Variants in HMG20A observed in about 807,000 individuals in gnomAD.
HMG20A encodes high mobility group 20A, also known as high mobility group protein 20A.
HMG20A carries 17 observed loss-of-function variants against 43.9 expected under a neutral mutation model. The observed-to-expected ratio is 0.39, with a 90% confidence interval of 0.27 to 0.58. HMG20A has a LOEUF of 0.58. Among genes scored for constraint, HMG20A ranks in the 20% least tolerant of loss-of-function variants. The pLI is 0.59. For missense variants in HMG20A, 341 were observed against 438.2 expected (o/e 0.78, Z 1.98); for synonymous variants, 132 against 147.5 (o/e 0.89, Z 0.76).
intron 1 of HMG20A, among the ~76,000 whole-genome samples, chr15:77,446,158 A>G (rs1002737532): frequency 4.6e-5 from 7 of 152,138 alleles, no homozygotes; most frequent in African/African-American, 7.2e-5. Context: ...TCAGCTCTCC[A>G]GTGCATCTGT....
chr15:77,456,723 G>A (rs772100756), intron 1 of HMG20A, among the ~76,000 whole-genome samples: 2 of 151,248 alleles, frequency 1.3e-5, no homozygotes, highest in Non-Finnish European at 2.9e-5. Flanking sequence ...TGGTTAGTCT[G>A]TATGGTATCT....
intron 1 of HMG20A, chr15:77,458,157 C>G: frequency 3.2e-6 from 1 of 309,964 alleles, no homozygotes; most frequent in Non-Finnish European, 6.0e-6. Flanking sequence ...AGGAATTTTC[C>G]AAACCACATC....
At chr15:77,478,630 T>A in intron 8 of HMG20A, 120 bp downstream of exon 8, 1 of 741,194 alleles carries the variant, frequency 1.3e-6, no homozygotes, top group Non-Finnish European at 2.2e-6. Flanking sequence ...GAAAATTAAT[T>A]AAACTACATT....
chr15:77,437,625 G>A (rs990062551), intron 1 of HMG20A, among the ~76,000 whole-genome samples: 3 of 152,090 alleles, frequency 2.0e-5, no homozygotes, highest in Admixed American at 2.0e-4. Context: ...AGGCTGGAGT[G>A]CGGTGGCGTG....
rs955703790 is a variant in HMG20A at position 77,484,549 on chromosome 15, C to G, written c.*1586C>G. 1.3e-5 allele frequency: 2 copies of G among 152,392 alleles called. 1 individual carries two copies. The highest frequency in any genetic ancestry group is 2.9e-5 in the Non-Finnish European group (2 of 68,050). 9.4% of individuals were successfully genotyped at this position (152,392 alleles called of 1,614,324 possible). The stretch of plus-strand genomic sequence containing the variant: ...ACACCATCCTGTCTTCTCAGCATCT[C>G]CTTGCCTGTTTTCTTTATTAGTCCA... On this transcript the variant is annotated 3_prime_UTR_variant, in exon 10 of 10. Transcript: ENST00000336216.
rs2073315168 is a variant in HMG20A at position 77,421,088 on chromosome 15, GGTACTGGTTT to G, written c.-5+87_-5+96del. ...AGATCACCCCTCTTTTGGTGGTGGT[GGTACTGGTTT>G]GTCTCAGTTGGAGGCCGGCTGAATG... On this transcript the variant is annotated intron_variant, in intron 1 of 9. Transcript: ENST00000336216. 20 of 395,492 alleles carry G rather than the reference GGTACTGGTTT, an allele frequency of 5.1e-5. No homozygotes were observed. In the Admixed American group the frequency reaches 8.8e-4, roughly 17 times the overall value. 24.5% of individuals were successfully genotyped at this position (395,492 alleles called of 1,614,324 possible). A position where few individuals can be genotyped will look rare whatever the true frequency, so the allele number is the denominator to read the frequency against.
At chr15:77,480,111 C>G (rs984920840) in intron 9 of HMG20A, among the ~76,000 whole-genome samples, 4 of 151,596 alleles carry the variant, frequency 2.6e-5, no homozygotes, top group African/African-American at 9.7e-5. Flanking sequence ...GGCAACATGA[C>G]AAAACCCCGT....
intron 1 of HMG20A, among the ~76,000 whole-genome samples, chr15:77,449,991 C>G (rs1432183531): frequency 6.6e-6 from 1 of 152,168 alleles, no homozygotes; most frequent in African/African-American, 2.4e-5. Context: ...TTTACTGTCT[C>G]CATACTTTTG....
chr15:77,494,317 A>G, the HMG20A span, among the ~76,000 whole-genome samples: 1 of 151,952 alleles, frequency 6.6e-6, no homozygotes, highest in South Asian at 2.1e-4. Context: ...TTTTATAGAG[A>G]TGGGGGTCTC....
intron 4 of HMG20A, among the ~76,000 whole-genome samples, chr15:77,468,132 G>A (rs2072773080): frequency 6.6e-6 from 1 of 152,186 alleles, no homozygotes; most frequent in South Asian, 2.1e-4. Context: ...AACTTTTGAA[G>A]CTCTGTGTTT....
At chr15:77,515,589 C>G in the HMG20A span, among the ~76,000 whole-genome samples, 1 of 151,926 alleles carries the variant, frequency 6.6e-6, no homozygotes, top group South Asian at 2.1e-4. Context: ...CATGCCTCGC[C>G]TGAAAACTGC....
intron 1 of HMG20A, among the ~76,000 whole-genome samples, chr15:77,446,571 G>A (rs997481803): frequency 5.9e-5 from 9 of 152,300 alleles, no homozygotes; most frequent in Non-Finnish European, 1.3e-4. Flanking sequence ...ACTTTGGGAG[G>A]CCGAGGCGGG....
chr15:77,477,501 T>G, intron 6 of HMG20A, 54 bp from the exon 7 acceptor site: 1 of 1,237,412 alleles, frequency 8.1e-7, no homozygotes, highest in Non-Finnish European at 1.2e-6. Context: ...CAGGCACTAT[T>G]ATTTAATTTA....
chr15:77,424,370 T>C (rs1009043934), intron 1 of HMG20A, among the ~76,000 whole-genome samples: 1 of 152,158 alleles, frequency 6.6e-6, no homozygotes, highest in Non-Finnish European at 1.5e-5. Context: ...TAGGCCCAAA[T>C]TCAGCACTGG....
the HMG20A span, among the ~76,000 whole-genome samples, chr15:77,499,122 A>T: frequency 6.6e-6 from 1 of 152,146 alleles, no homozygotes; most frequent in Admixed American, 6.5e-5. Context: ...ATACTATTCT[A>T]ATACATTCTA....
At position 77,477,499 on chromosome 15, in the gene HMG20A, A is replaced by G. The variant is rs1057504373; in HGVS notation, c.616-56A>G. On this transcript the variant is annotated intron_variant, in intron 6 of 9. Transcript: ENST00000336216. ...GACATGATCATTGTCTTCAGGCACT[A>G]TTATTTAATTTATCTTCTATTAAGA... is the stretch of plus-strand genomic sequence containing the variant. The G allele has an allele frequency of 1.1e-5, 14 of 1,218,006 alleles. No individual in the cohort carries two copies. In the Admixed American group the frequency reaches 2.4e-4, roughly 20 times the overall value. The allele number at this position is 1,218,006 out of a possible 1,614,324, so 75.4% of individuals were successfully genotyped here.
chr15:77,441,598 T>C (rs1356621264), intron 1 of HMG20A, among the ~76,000 whole-genome samples: 2 of 152,164 alleles, frequency 1.3e-5, no homozygotes, highest in Admixed American at 6.6e-5. Flanking sequence ...CAAAGTCAGA[T>C]TTCCTGACTT....
At chr15:77,433,658 T>C (rs1424271557) in intron 1 of HMG20A, among the ~76,000 whole-genome samples, 1 of 152,176 alleles carries the variant, frequency 6.6e-6, no homozygotes, top group African/African-American at 2.4e-5. Context: ...AGTTAGAAAG[T>C]GAAATTTTTA....
At chr15:77,515,753 G>A in the HMG20A span, among the ~76,000 whole-genome samples, 1 of 152,216 alleles carries the variant, frequency 6.6e-6, no homozygotes, top group Non-Finnish European at 1.5e-5. Context: ...ATACCTGCAT[G>A]AACATGGGGC....
Sources: gnomAD v4.1 joint callset for allele counts (sites outside exome capture counted in the v4.1 genomes callset) on GRCh38, gnomAD v4.1.1 for gene constraint, MANE v1.5 for transcripts, NCBI Gene and HGNC (gene_info 2026-07-23, HGNC 2026-07-21) for gene names.